AXDND1: variants seen among roughly 807,000 people sequenced by gnomAD.
AXDND1 encodes the protein axonemal dynein light chain domain containing 1.
AXDND1 carries 110 observed loss-of-function variants against 137.5 expected under a neutral mutation model. The observed-to-expected ratio is 0.80, with a 90% CI of 0.69 to 0.94. AXDND1 has a LOEUF of 0.94. AXDND1 is among the 40% of genes least tolerant of loss of function. The pLI is 0.00. For missense variants in AXDND1, 1,191 were observed against 1,169.8 expected, an observed-to-expected ratio of 1.02 and a Z score of -0.26; for synonymous variants, 414 against 399.7, an observed-to-expected ratio of 1.04 and a Z score of -0.43.
intron 23 of AXDND1, 135 bp from the exon 24 acceptor site, chr1:179,533,660 C>G (rs1393700902): frequency 4.3e-5 from 20 of 467,346 alleles, no homozygotes; most frequent in Non-Finnish European, 6.4e-5. Flanking sequence ...TAAGGGTGTG[C>G]TTAACCATCT....
intron 11 of AXDND1, among the ~76,000 whole-genome samples, chr1:179,410,427 C>T (rs1433891804): frequency 6.6e-6 from 1 of 152,196 alleles, no homozygotes; most frequent in Non-Finnish European, 1.5e-5. Context: ...GAGGTTTCAC[C>T]ATGTTGGCCA....
chr1:179,551,462 T>A, intron 25 of AXDND1: 2 of 1,612,530 alleles, frequency 1.2e-6, no homozygotes, highest in Non-Finnish European at 8.5e-7. Flanking sequence ...CTAGAAAACA[T>A]GTGACGAAAG....
intron 10 of AXDND1, among the ~76,000 whole-genome samples, chr1:179,394,701 TATC>T (rs541125110): frequency 2.0e-5 from 3 of 152,106 alleles, no homozygotes; most frequent in Non-Finnish European, 4.4e-5. Flanking sequence ...AGAGAATAAG[TATC>T]ATATAGCCAT....
intron 17 of AXDND1, among the ~76,000 whole-genome samples, chr1:179,472,958 C>A (rs1376559635): frequency 6.6e-6 from 1 of 152,074 alleles, no homozygotes; most frequent in African/African-American, 2.4e-5. Context: ...TCCAGTCTGA[C>A]AATCTCTGCC....
intron 25 of AXDND1, among the ~76,000 whole-genome samples, chr1:179,548,281 G>T (rs149986766): frequency 6.6e-6 from 1 of 152,292 alleles, no homozygotes; most frequent in African/African-American, 2.4e-5. Flanking sequence ...AATTTACCTT[G>T]TGCAAGCATT....
At chr1:179,473,537 T>C (rs1441814897) in intron 17 of AXDND1, among the ~76,000 whole-genome samples, 1 of 152,214 alleles carries the variant, frequency 6.6e-6, no homozygotes, top group East Asian at 1.9e-4. Context: ...ACTGGCTTAA[T>C]TCTAGTGACA....
chr1:179,509,240 C>T (rs537465020), intron 20 of AXDND1, 56 bp from the exon 21 acceptor site: 11 of 1,057,226 alleles, frequency 1.0e-5, no homozygotes, highest in South Asian at 4.1e-5. Flanking sequence ...TCCTCAATAG[C>T]GGTGAGTGAA....
intron 5 of AXDND1, 104 bp downstream of exon 5, chr1:179,378,861 A>G (rs1647749973): frequency 3.1e-6 from 3 of 978,518 alleles, no homozygotes; most frequent in Non-Finnish European, 4.0e-6. Context: ...ACAACGTCAT[A>G]CTATAACAAC....
At chr1:179,551,191 T>G in intron 25 of AXDND1, 2 of 1,614,076 alleles carry the variant, frequency 1.2e-6, no homozygotes, top group Non-Finnish European at 1.7e-6. Context: ...TGGGAGAGTC[T>G]TTCTTTTTAG....
At chr1:179,451,154 A>G (rs139412215) in intron 16 of AXDND1, 28 of 152,244 alleles carry the variant, frequency 1.8e-4, no homozygotes, top group African/African-American at 6.5e-4. Context: ...AGAGTTTGTA[A>G]AGAACTGGTG....
intron 15 of AXDND1, among the ~76,000 whole-genome samples, chr1:179,439,858 G>A (rs985945151): frequency 7.2e-6 from 1 of 138,280 alleles, no homozygotes; most frequent in Admixed American, 7.0e-5. Context: ...ATGGCCACAC[G>A]CACCTTGAGG....
At chr1:179,540,668 G>A (rs1672044760) in intron 25 of AXDND1, among the ~76,000 whole-genome samples, 1 of 152,176 alleles carries the variant, frequency 6.6e-6, no homozygotes, top group Non-Finnish European at 1.5e-5. Context: ...GCTACACGGG[G>A]GTCAGGGACC....
At chr1:179,419,218 A>C (rs75551896) in intron 12 of AXDND1, among the ~76,000 whole-genome samples, 1 of 150,848 alleles carries the variant, frequency 6.6e-6, no homozygotes, top group East Asian at 2.0e-4. Flanking sequence ...ACGGGGTGGC[A>C]GCCGGGCAGA....
At chr1:179,469,138 T>C (rs538676274) in intron 17 of AXDND1, among the ~76,000 whole-genome samples, 1 of 152,058 alleles carries the variant, frequency 6.6e-6, no homozygotes, top group Admixed American at 6.6e-5. Flanking sequence ...CCATGTTGGC[T>C]AGGCTGGTCT....
Position 179,410,138 on chromosome 1 carries a change from C to T in AXDND1, c.1110-1008C>T, listed in dbSNP as rs1211933519. Among the ~76,000 whole-genome samples the T allele has an allele frequency of 2.0e-5, 3 of 152,094 alleles. No individual in the cohort carries two copies. The East Asian group carries it at 5.8e-4, about 29-fold the overall frequency. ...GAAAGCCTCTAAGACTAGAAGAATT[C>T]TACTTCAGTGGACTAATTCTTATTG... On this transcript the variant is annotated intron_variant, in intron 11 of 25. Coordinates refer to ENST00000367618, the MANE Select transcript of AXDND1 (RefSeq NM_144696.6).
intron 16 of AXDND1, chr1:179,453,800 C>CAAAAAA (rs56316804): frequency 1.0e-5 from 1 of 98,858 alleles, no homozygotes; most frequent in Non-Finnish European, 2.0e-5. Flanking sequence ...ATCTCTGTCT[C>CAAAAAA]AAAAAAAAAA....
intron 20 of AXDND1, among the ~76,000 whole-genome samples, chr1:179,493,443 T>A (rs1667136542): frequency 1.3e-5 from 2 of 152,232 alleles, no homozygotes; most frequent in Admixed American, 1.3e-4. Context: ...AAATTATTAC[T>A]AGATAACTTC....
At position 179,378,654 on chromosome 1, in the gene AXDND1, A is replaced by G. The variant is rs768163079; in HGVS notation, c.392A>G (p.Tyr131Cys). Reference sequence around the variant, plus strand: ...CTTTTTAGGGATATTTCTTTTCTGTACGATGTAACATATGCCAAAGGACAG... The same window carrying G: ...CTTTTTAGGGATATTTCTTTTCTGTGCGATGTAACATATGCCAAAGGACAG... ...TGAGRDISFL[Y>C]DVTYAKGQTR... The change falls in exon 5 of 26, where the codon TAC becomes TGC. Residue 131 changes from tyrosine (Y) to cysteine (C), a missense_variant. Physicochemically the swap from Tyr to Cys is radical, Grantham distance 194 (BLOSUM62 -2). Coordinates refer to ENST00000367618, the MANE Select transcript of AXDND1 (RefSeq NM_144696.6). 4.4e-6 allele frequency: 7 copies of G among 1,586,966 alleles called. No individual in the cohort carries two copies. The highest frequency in any genetic ancestry group is 5.1e-6 in the Non-Finnish European group (6 of 1,165,068).
intron 15 of AXDND1, among the ~76,000 whole-genome samples, chr1:179,435,868 T>A (rs1658078946): frequency 6.6e-6 from 1 of 152,216 alleles, no homozygotes; most frequent in South Asian, 2.1e-4. Context: ...ACCTTTTGCA[T>A]AGCAAAATAA....
Sources: gnomAD v4.1 joint callset for allele counts (sites outside exome capture counted in the v4.1 genomes callset) on GRCh38, gnomAD v4.1.1 for gene constraint, MANE v1.5 for transcripts, NCBI Gene and HGNC (gene_info 2026-07-23, HGNC 2026-07-21) for gene names.